Variants in R3HDM1 observed in about 807,000 individuals in gnomAD.
The protein encoded by R3HDM1 is R3H domain-containing protein 1.
A neutral mutation model predicts 141.1 loss-of-function variants in R3HDM1; 46 were observed. The ratio of observed to expected loss-of-function variants is 0.33; its 90% CI spans 0.26 to 0.42. The LOEUF (loss-of-function observed/expected upper bound fraction) is 0.42, where lower values mean the gene tolerates loss of function less well. Among genes scored for constraint, R3HDM1 ranks in the 10% least tolerant of loss-of-function variants. R3HDM1 has a pLI of 1.00. For missense variants in R3HDM1, 1,184 were observed against 1,368.3 expected, an observed-to-expected ratio of 0.87 and a Z score of 2.12; for synonymous variants, 435 against 472.9, an observed-to-expected ratio of 0.92 and a Z score of 1.04.
chr2:135,531,749 G>A (rs1322242537), intron 1 of R3HDM1, 116 bp downstream of exon 1: 1 of 985,726 alleles, frequency 1.0e-6, no homozygotes, highest in Non-Finnish European at 1.2e-6. Flanking sequence ...GGGGAGAGAT[G>A]TGGTGTGTGG....
At chr2:135,546,934 A>C (rs570718267) in intron 1 of R3HDM1, among the ~76,000 whole-genome samples, 2 of 152,254 alleles carry the variant, frequency 1.3e-5, no homozygotes, top group South Asian at 4.1e-4. Context: ...AGCCTCCCAA[A>C]ATGTTGGGAT....
intron 1 of R3HDM1, among the ~76,000 whole-genome samples, chr2:135,570,384 C>T (rs2104992532): frequency 6.6e-6 from 1 of 152,158 alleles, no homozygotes; most frequent in Middle Eastern, 3.4e-3. Flanking sequence ...ACTTTGTGGC[C>T]CATGTACTTG....
At chr2:135,666,921 T>TAAAAAAAA (rs59959578) in intron 19 of R3HDM1, 1 of 180,712 alleles carries the variant, frequency 5.5e-6, no homozygotes, top group African/African-American at 2.6e-5. Flanking sequence ...GGCTCATCTT[T>TAAAAAAAA]AAAAAAAAAA....
intron 19 of R3HDM1, among the ~76,000 whole-genome samples, chr2:135,663,283 GAGA>G (rs1209463823): frequency 6.6e-6 from 1 of 152,146 alleles, no homozygotes; most frequent in Non-Finnish European, 1.5e-5. Flanking sequence ...TAGTTATGAT[GAGA>G]AGGAGGAAAC....
intron 21 of R3HDM1, among the ~76,000 whole-genome samples, chr2:135,681,209 T>C (rs1233423898): frequency 3.3e-5 from 5 of 152,232 alleles, no homozygotes; most frequent in Admixed American, 3.3e-4. Context: ...ACCATTCATT[T>C]ATTCTCATGG....
intron 21 of R3HDM1, among the ~76,000 whole-genome samples, chr2:135,701,603 G>A (rs140918688): frequency 2.4e-4 from 37 of 152,262 alleles, no homozygotes; most frequent in Non-Finnish European, 4.4e-4. Flanking sequence ...AGGTGATCTA[G>A]ATCATCAAGT....
chr2:135,536,198 G>A (rs560825007), intron 1 of R3HDM1, among the ~76,000 whole-genome samples: 7 of 152,222 alleles, frequency 4.6e-5, no homozygotes, highest in Admixed American at 2.0e-4. Flanking sequence ...GGAGTGCAGC[G>A]ACAGGATCAT....
Position 135,631,743 on chromosome 2 carries a change from G to C in R3HDM1, c.523G>C (p.Glu175Gln). Residue 175 changes from glutamate (E) to glutamine (Q), a missense_variant, in exon 8 of 27, where the codon GAA (glutamate) becomes CAA (glutamine). Transcript: ENST00000683871. ...GGACAGAATGATGCTGCTGAAATTG[G>C]AACAAGAAATTTTAGATTTCATTGG... ...PRDRMMLLKL[E>Q]QEILDFIGNN... The C allele has an allele frequency of 6.4e-7, 1 of 1,571,472 alleles. No homozygotes were observed. The highest frequency in any genetic ancestry group is 8.6e-7 in the Non-Finnish European group (1 of 1,164,156).
At position 135,635,747 on chromosome 2, in the gene R3HDM1, A is replaced by G. The variant is rs988854344; in HGVS notation, c.699-143A>G. 1.5e-5 allele frequency: 15 copies of G among 995,798 alleles called. No individual in the cohort carries two copies. In the African/African-American group the frequency reaches 2.4e-4, roughly 16 times the overall value. 61.7% of individuals were successfully genotyped at this position (995,798 alleles called of 1,614,324 possible). A position where few individuals can be genotyped will look rare whatever the true frequency, so the allele number is the denominator to read the frequency against. On this transcript the variant is annotated intron_variant, in intron 9 of 26. Transcript: ENST00000683871. ...CTCATGAGATTATTGTGAGGACTAA[A>G]TGAGACTGCATAAGCATCTATGGAT...
intron 23 of R3HDM1, among the ~76,000 whole-genome samples, chr2:135,712,333 G>A (rs1281223660): frequency 6.6e-6 from 1 of 151,892 alleles, no homozygotes; most frequent in Non-Finnish European, 1.5e-5. Flanking sequence ...GCATGTTCTG[G>A]GCCTACTGCA....
At chr2:135,579,604 G>A (rs941758871) in intron 1 of R3HDM1, among the ~76,000 whole-genome samples, 1 of 147,362 alleles carries the variant, frequency 6.8e-6, no homozygotes, top group African/African-American at 2.5e-5. Flanking sequence ...GCGGGGGGGG[G>A]TGGAAATGGC....
chr2:135,654,377 TATTC>T (rs1467797526), intron 18 of R3HDM1, among the ~76,000 whole-genome samples: 2 of 152,170 alleles, frequency 1.3e-5, no homozygotes, highest in Non-Finnish European at 2.9e-5. Flanking sequence ...CTGTTCACAC[TATTC>T]ATTCTTTCCC....
At chr2:135,668,456 T>C (rs1385091248) in intron 19 of R3HDM1, among the ~76,000 whole-genome samples, 1 of 152,200 alleles carries the variant, frequency 6.6e-6, no homozygotes. Flanking sequence ...GAAAAAACAT[T>C]CATATTCCTG....
At position 135,723,374 on chromosome 2, in the gene R3HDM1, C is replaced by T. The variant is rs549864370; in HGVS notation, c.3050-563C>T. ...CAGACCTCAGGTGATCCACCCACCT[C>T]AGCCTCCCAAAGTACTAGGATTACA... On this transcript the variant is annotated intron_variant, in intron 26 of 26. Coordinates refer to ENST00000683871, the MANE Select transcript of R3HDM1 (RefSeq NM_001378107.1). Among the ~76,000 whole-genome samples, 220 of 152,052 alleles carry T rather than the reference C, an allele frequency of 1.4e-3. 4 individuals carry two copies. In the South Asian group the frequency reaches 0.045, roughly 31 times the overall value.
chr2:135,705,399 TAAATGTC>T (rs893690732), intron 21 of R3HDM1, among the ~76,000 whole-genome samples: 1 of 152,338 alleles, frequency 6.6e-6, no homozygotes, highest in Non-Finnish European at 1.5e-5. Context: ...GGTCAGGTAT[TAAATGTC>T]AAAGGCATTA....
chr2:135,696,075 A>G (rs893834821), intron 21 of R3HDM1, among the ~76,000 whole-genome samples: 1 of 152,220 alleles, frequency 6.6e-6, no homozygotes, highest in African/African-American at 2.4e-5. Context: ...TGAATACTAG[A>G]AGAAACCCAA....
At chr2:135,590,671 G>T (rs1709054425) in intron 1 of R3HDM1, 2 of 985,286 alleles carry the variant, frequency 2.0e-6, no homozygotes, top group Non-Finnish European at 2.4e-6. Flanking sequence ...ATAGTATGTA[G>T]TGTGAACTAT....
At chr2:135,590,071 A>T (rs1479999451) in intron 1 of R3HDM1, among the ~76,000 whole-genome samples, 1 of 152,132 alleles carries the variant, frequency 6.6e-6, no homozygotes, top group African/African-American at 2.4e-5. Flanking sequence ...TAAGATTTTC[A>T]AGAGGGATCC....
At chr2:135,639,309 G>C (rs1454297325) in intron 14 of R3HDM1, among the ~76,000 whole-genome samples, 187 bp downstream of exon 14, 1 of 152,050 alleles carries the variant, frequency 6.6e-6, no homozygotes, top group Non-Finnish European at 1.5e-5. Flanking sequence ...TCTCTGTCCT[G>C]GACACAGATT....
Sources: gnomAD v4.1 joint callset for allele counts (sites outside exome capture counted in the v4.1 genomes callset) on GRCh38, gnomAD v4.1.1 for gene constraint, MANE v1.5 for transcripts, NCBI Gene and HGNC (gene_info 2026-07-23, HGNC 2026-07-21) for gene names.